MAGI1: variants seen among roughly 807,000 people sequenced by gnomAD.
The protein encoded by MAGI1 is membrane-associated guanylate kinase, WW and PDZ domain-containing protein 1.
In MAGI1, 58 loss-of-function variants were observed where a neutral mutation model predicts 139.9. That is an observed-to-expected ratio of 0.41 (90% confidence interval 0.34 to 0.52). MAGI1 has a LOEUF of 0.52. Ranked by LOEUF, MAGI1 falls within the 20% of genes least tolerant of loss-of-function variation. The pLI is 0.12. For synonymous variants in MAGI1, 812 were observed against 737.9 expected, an observed-to-expected ratio of 1.10 and a Z score of -1.63; for missense variants, 1,874 against 1,901.6, an observed-to-expected ratio of 0.99 and a Z score of 0.27.
At chr3:65,653,351 C>T (rs1161318186) in intron 1 of MAGI1, among the ~76,000 whole-genome samples, 1 of 152,194 alleles carries the variant, frequency 6.6e-6, no homozygotes, top group Non-Finnish European at 1.5e-5. Context: ...TTCCACCAGA[C>T]ATAAAGCAAT....
chr3:65,668,310 T>C (rs1359068112), intron 1 of MAGI1, among the ~76,000 whole-genome samples: 1 of 152,218 alleles, frequency 6.6e-6, no homozygotes, highest in South Asian at 2.1e-4. Flanking sequence ...AGTAAGCTTA[T>C]ACTGGCTCAT....
intron 10 of MAGI1, among the ~76,000 whole-genome samples, chr3:65,432,690 A>C (rs1575725311): frequency 6.6e-6 from 1 of 152,182 alleles, no homozygotes; most frequent in African/African-American, 2.4e-5. Flanking sequence ...ACTTGCACCA[A>C]GAGCTTTGGG....
chr3:65,988,215 A>T (rs999344177), intron 1 of MAGI1, among the ~76,000 whole-genome samples: 1 of 152,190 alleles, frequency 6.6e-6, no homozygotes, highest in Non-Finnish European at 1.5e-5. Context: ...ACTTGTCCCG[A>T]AATTCAGGAT....
At chr3:65,496,239 C>T (rs1952439648) in intron 2 of MAGI1, among the ~76,000 whole-genome samples, 1 of 151,006 alleles carries the variant, frequency 6.6e-6, no homozygotes, top group Admixed American at 6.6e-5. Flanking sequence ...TGGGGGGTCT[C>T]ACTATATTGC....
At chr3:65,817,495 A>AC (rs1273016348) in intron 1 of MAGI1, among the ~76,000 whole-genome samples, 17 of 152,200 alleles carry the variant, frequency 1.1e-4, no homozygotes, top group African/African-American at 3.6e-4. Flanking sequence ...TGAAAACAAG[A>AC]GCTTAGCTTC....
At chr3:65,645,095 A>C (rs1350673652) in intron 1 of MAGI1, among the ~76,000 whole-genome samples, 1 of 152,066 alleles carries the variant, frequency 6.6e-6, no homozygotes, top group East Asian at 1.9e-4. Flanking sequence ...AACAGACCTA[A>C]AATTTATGTC....
chr3:65,702,531 C>T (rs2089686056), intron 1 of MAGI1, among the ~76,000 whole-genome samples: 2 of 152,140 alleles, frequency 1.3e-5, no homozygotes. Flanking sequence ...CCTCTTCTCA[C>T]TTTCTAGAAT....
intron 1 of MAGI1, among the ~76,000 whole-genome samples, chr3:65,712,662 C>T (rs924230022): frequency 4.6e-5 from 7 of 151,934 alleles, no homozygotes; most frequent in African/African-American, 1.7e-4. Context: ...CAGGCACACA[C>T]CACCACACCT....
intron 1 of MAGI1, among the ~76,000 whole-genome samples, chr3:65,959,128 A>G (rs1234576913): frequency 6.6e-6 from 1 of 152,252 alleles, no homozygotes; most frequent in African/African-American, 2.4e-5. Context: ...CAGTCACTCC[A>G]AAAGATACAA....
intron 2 of MAGI1, among the ~76,000 whole-genome samples, chr3:65,616,153 C>A (rs2083356984): frequency 1.3e-5 from 2 of 152,144 alleles, no homozygotes; most frequent in Non-Finnish European, 2.9e-5. Context: ...TGTTCTAATG[C>A]TTGTCTTCTT....
intron 1 of MAGI1, chr3:65,954,600 A>G (rs1156711839): frequency 6.6e-6 from 1 of 152,400 alleles, no homozygotes; most frequent in African/African-American, 2.4e-5. Flanking sequence ...AGAGAGAAGG[A>G]GGAGGGGCGG....
At chr3:65,897,562 C>A (rs549630672) in intron 1 of MAGI1, among the ~76,000 whole-genome samples, 4 of 139,684 alleles carry the variant, frequency 2.9e-5, no homozygotes, top group Non-Finnish European at 6.7e-5. Context: ...CACATGTATA[C>A]CTATGTAACA....
intron 2 of MAGI1, among the ~76,000 whole-genome samples, chr3:65,535,209 C>A (rs73128984): frequency 6.6e-6 from 1 of 152,026 alleles, no homozygotes; most frequent in African/African-American, 2.4e-5. Context: ...AGTTCTAATA[C>A]CAGCTCATTA....
intron 2 of MAGI1, among the ~76,000 whole-genome samples, chr3:65,504,736 C>A (rs2077211518): frequency 6.6e-6 from 1 of 152,158 alleles, no homozygotes; most frequent in African/African-American, 2.4e-5. Context: ...TGATCCCAAA[C>A]CTAAACTGTC....
intron 1 of MAGI1, among the ~76,000 whole-genome samples, chr3:65,713,745 A>G (rs886767976): frequency 6.6e-6 from 1 of 152,196 alleles, no homozygotes; most frequent in Non-Finnish European, 1.5e-5. Flanking sequence ...ACTACGTCAC[A>G]GGTAGTTTTG....
chr3:65,408,995 G>T (rs1945567452), intron 12 of MAGI1, among the ~76,000 whole-genome samples: 1 of 152,218 alleles, frequency 6.6e-6, no homozygotes, highest in Non-Finnish European at 1.5e-5. Context: ...AATGACGCAG[G>T]ACAATGGAAC....
intron 1 of MAGI1, among the ~76,000 whole-genome samples, chr3:65,652,202 T>C (rs1277291717): frequency 6.6e-6 from 1 of 152,186 alleles, no homozygotes; most frequent in East Asian, 1.9e-4. Flanking sequence ...AGATAAATAA[T>C]TCAACACTGT....
intron 5 of MAGI1, chr3:65,469,730 T>C (rs1447923766): frequency 6.6e-6 from 1 of 151,814 alleles, no homozygotes; most frequent in Admixed American, 6.6e-5. Context: ...AATGAGACTT[T>C]ATCAAAATTA....
chr3:65,844,670 G>A (rs1057205476), intron 1 of MAGI1, among the ~76,000 whole-genome samples: 5 of 152,172 alleles, frequency 3.3e-5, no homozygotes, highest in African/African-American at 1.2e-4. Context: ...CAGGGGTCCA[G>A]AGAAGCAGTT....
Sources: gnomAD v4.1 joint callset for allele counts (sites outside exome capture counted in the v4.1 genomes callset) on GRCh38, gnomAD v4.1.1 for gene constraint, MANE v1.5 for transcripts, NCBI Gene and HGNC (gene_info 2026-07-23, HGNC 2026-07-21) for gene names.